Variants in BNIPL observed in about 807,000 individuals in gnomAD.
The protein encoded by BNIPL is bcl-2/adenovirus E1B 19 kDa-interacting protein 2-like protein.
BNIPL carries 33 observed loss-of-function variants against 47.0 expected under a neutral mutation model. The ratio of observed to expected loss-of-function variants is 0.70; its 90% CI spans 0.53 to 0.94. The LOEUF (loss-of-function observed/expected upper bound fraction) is 0.94. Among genes scored for constraint, BNIPL ranks in the 40% least tolerant of loss-of-function variants. The pLI, the probability that BNIPL is intolerant of heterozygous loss-of-function variation, is 0.00. For synonymous variants in BNIPL, 145 were observed against 162.7 expected (o/e 0.89, Z 0.83); for missense variants, 404 against 445.2 (o/e 0.91, Z 0.83).
chr1:151,042,594 C>T (rs184962502), intron 4 of BNIPL, among the ~76,000 whole-genome samples: 405 of 152,120 alleles, frequency 2.7e-3, no homozygotes, highest in Non-Finnish European at 4.2e-3. Flanking sequence ...GGACTGATTG[C>T]TTTGAACTCA....
chr1:151,044,363 G>A (rs1248573213), intron 7 of BNIPL, among the ~76,000 whole-genome samples: 2 of 152,204 alleles, frequency 1.3e-5, no homozygotes, highest in Non-Finnish European at 2.9e-5. Flanking sequence ...GTAAATTAGT[G>A]TGGCATATTG....
In BNIPL at chr1:151,037,698, G is replaced by A. The variant is rs775895317; in HGVS notation, c.137+36G>A. The A allele has an allele frequency of 2.6e-6, 4 of 1,534,742 alleles. No individual in the cohort carries two copies. In the South Asian group the frequency reaches 4.7e-5, roughly 18 times the overall value. ...GTGAGGGTGGCTGGGAGAAGGGAGG[G>A]GTGGTCACGAATGGACGGAGGGGAT... On this transcript the variant is annotated intron_variant, in intron 2 of 9. Transcript: ENST00000368931.
In BNIPL at chr1:151,038,891, C is replaced by A; in HGVS notation, c.298C>A (p.Pro100Thr). Reference sequence around the variant, plus strand: ...GTTGCGGCTGAGTCTGACTAAGGGGCCTGGAAATGATGGAGCTTCACCCAC... The same window carrying A: ...GTTGCGGCTGAGTCTGACTAAGGGGACTGGAAATGATGGAGCTTCACCCAC... ...PELRLSLTKG[P>T]GNDGASPTQS... is the part of the protein sequence containing the mutation. Residue 100 changes from proline (P) to threonine (T), a missense_variant, in exon 4 of 10, where the codon CCT becomes ACT. Pro to Thr is a conservative substitution (Grantham distance 38). Transcript: ENST00000368931. 6.2e-7 allele frequency: 1 copy of A among 1,614,064 alleles called. No individual in the cohort carries two copies. The highest frequency in any genetic ancestry group is 8.5e-7 in the Non-Finnish European group (1 of 1,179,980).
At chr1:151,044,955 A>T in intron 7 of BNIPL, 19 of 1,287,142 alleles carry the variant, frequency 1.5e-5, no homozygotes, top group Non-Finnish European at 1.9e-5. Context: ...AGAGCACAAG[A>T]TGGAAATGGA....
At chr1:151,044,103 G>A (rs1675925969) in intron 7 of BNIPL, among the ~76,000 whole-genome samples, 1 of 152,170 alleles carries the variant, frequency 6.6e-6, no homozygotes. Flanking sequence ...TCCCACCTCA[G>A]CCTCCCAAGT....
chr1:151,042,952 T>C lies in BNIPL; in HGVS notation c.434-4T>C, dbSNP rs891686963. ...GTTGATCCTTCCCCATCCCTCTCTT[T>C]TAGATGAACTACCCCGGGCAGAGGG... is the stretch of plus-strand genomic sequence containing the variant. On this transcript the variant is annotated splice_region_variant and splice_polypyrimidine_tract_variant and intron_variant, in intron 4 of 9. Coordinates refer to ENST00000368931, the MANE Select transcript of BNIPL (RefSeq NM_138278.4). 6.5e-6 allele frequency: 10 copies of C among 1,547,704 alleles called. No individual in the cohort carries two copies. The Admixed American group carries it at 2.1e-4, about 32-fold the overall frequency.
At chr1:151,038,134 G>A (rs1411604412) in intron 2 of BNIPL, among the ~76,000 whole-genome samples, 1 of 152,072 alleles carries the variant, frequency 6.6e-6, no homozygotes, top group East Asian at 1.9e-4. Context: ...CAGCACTTTG[G>A]GAGGCCGAGG....
chr1:151,037,678 G>C lies in BNIPL; in HGVS notation c.137+16G>C. 1.3e-6 allele frequency: 2 copies of C among 1,575,218 alleles called. No homozygotes were observed. The highest frequency in any genetic ancestry group is 1.7e-6 in the Non-Finnish European group (2 of 1,157,828). ...AATTCCCTAGGTGAGGACGTGTGAG[G>C]GTGGCTGGGAGAAGGGAGGGGTGGT... On this transcript the variant is annotated intron_variant, in intron 2 of 9. Coordinates refer to ENST00000368931, the MANE Select transcript of BNIPL (RefSeq NM_138278.4).
chr1:151,036,755 GAC>G lies in BNIPL; in HGVS notation c.32_33del (p.Thr11ArgfsTer31). On this transcript the variant is annotated frameshift_variant, in exon 1 of 10. Transcript: ENST00000368931. LOFTEE classifies it high-confidence loss of function. ...GAACTATACAAGAGGCAGGAAAAAA[GAC>G]AGATGTTGGGTAAGTAAGATCTTGG... Reference protein sequence around the residue: MGTIQEAGKKTDVGVREIAEA... With the variant: MGTIQEAGKKXDVGVREIAEA... 1 of 1,611,168 alleles carries G rather than the reference GAC, an allele frequency of 6.2e-7. No individual in the cohort carries two copies. Among genetic ancestry groups the G allele is most frequent in the Non-Finnish European group, 8.5e-7 (1 of 1,177,368 alleles).
In BNIPL at chr1:151,043,429, G is replaced by T; in HGVS notation, c.714G>T (p.Leu238Phe). The change falls in exon 6 of 10, where the codon TTG (leucine) becomes TTT (phenylalanine). Residue 238 changes from leucine to phenylalanine, a missense_variant. Transcript: ENST00000368931. ...IPNYTYVMEHLFRYMVGTLEL... is the reference protein window; with the variant it reads ...IPNYTYVMEHFFRYMVGTLEL... ...ACTACACCTATGTCATGGAACACTT[G>T]TTTAGGTGAGGTGGAAGGCCTGAAG... 6.3e-7 allele frequency: 1 copy of T among 1,598,846 alleles called. No individual in the cohort carries two copies. The highest frequency in any genetic ancestry group is 8.6e-7 in the Non-Finnish European group (1 of 1,166,286).
rs964581463 is a variant in BNIPL at position 151,036,720 on chromosome 1, G to T, written c.-6G>T. The T allele has an allele frequency of 3.1e-6, 5 of 1,610,438 alleles. No homozygotes were observed. Among genetic ancestry groups the T allele is most frequent in the Middle Eastern group, 1.6e-4 (1 of 6,078 alleles). On this transcript the variant is annotated 5_prime_UTR_variant, in exon 1 of 10. Transcript: ENST00000368931. ...TTTAAAGAAGGAGGCAGGAAGACTT[G>T]TGAAGATGGGAACTATACAAGAGGC...
chr1:151,046,314 AC>A, intron 9 of BNIPL, 149 bp downstream of exon 9: 1 of 1,264,812 alleles, frequency 7.9e-7, no homozygotes, highest in Non-Finnish European at 1.1e-6. Context: ...AACTGCACAC[AC>A]CCAGAGAAGA....
rs1480481801 is a variant in BNIPL at position 151,046,082 on chromosome 1, A to C, written c.954A>C (p.Arg318=). 2 of 1,614,080 alleles carry C rather than the reference A, an allele frequency of 1.2e-6. No homozygotes were observed. The highest frequency in any genetic ancestry group is 1.3e-5 in the African/African-American group (1 of 74,926). ...CTCTTTTCAGTTCCAAATTCACACG[A>C]AAAATCCGTTTTCTGGACAGCCTGG... ...LRPFISSKFT[R]KIRFLDSLGE... The change falls in exon 9 of 10, where the codon CGA becomes CGC. Residue 318 remains arginine, a synonymous_variant. Coordinates refer to ENST00000368931, the MANE Select transcript of BNIPL (RefSeq NM_138278.4).
chr1:151,038,808 C>T lies in BNIPL; in HGVS notation c.215C>T (p.Pro72Leu), dbSNP rs1252922506. 2 of 1,591,182 alleles carry T rather than the reference C, an allele frequency of 1.3e-6. No individual in the cohort carries two copies. Among genetic ancestry groups the T allele is most frequent in the African/African-American group, 1.3e-5 (1 of 74,148 alleles). The change falls in exon 4 of 10, where the codon CCC becomes CTC. Residue 72 changes from proline to leucine, a missense_variant. Coordinates refer to ENST00000368931, the MANE Select transcript of BNIPL (RefSeq NM_138278.4). ...KGDSQAAAGT[P>L]STLALCGQRP... ...CCCCTTTCTCCAGCTGCAGGTACCCCCAGCACTTTAGCCCTGTGTGGCCAG... is the reference window on the plus strand; with the variant it reads ...CCCCTTTCTCCAGCTGCAGGTACCCTCAGCACTTTAGCCCTGTGTGGCCAG...
Position 151,038,997 on chromosome 1 carries a change from T to C in BNIPL, c.404T>C (p.Leu135Pro). ...ELETPSDSEQLDSGHEFEWED... is the reference protein window; with the variant it reads ...ELETPSDSEQPDSGHEFEWED... ...GAGACACCTTCAGACTCGGAGCAGCTGGACAGTGGACATGAATTTGAATGG... is the reference window on the plus strand; with the variant it reads ...GAGACACCTTCAGACTCGGAGCAGCCGGACAGTGGACATGAATTTGAATGG... Residue 135 changes from leucine to proline, a missense_variant, in exon 4 of 10, where the codon CTG becomes CCG. Physicochemically the swap from Leu to Pro is moderately conservative, Grantham distance 98. Transcript: ENST00000368931. 1 of 1,592,198 alleles carries C rather than the reference T, an allele frequency of 6.3e-7. No individual in the cohort carries two copies.
intron 2 of BNIPL, 167 bp from the exon 3 acceptor site, chr1:151,038,337 G>A: frequency 1.6e-6 from 1 of 619,716 alleles, no homozygotes; most frequent in Non-Finnish European, 2.9e-6. Flanking sequence ...TTGTGCCACT[G>A]CATTCCAGCC....
Position 151,036,624 on chromosome 1 carries a change from C to G in BNIPL, c.-102C>G. 9.0e-7 allele frequency: 1 copy of G among 1,110,016 alleles called. No homozygotes were observed. The highest frequency in any genetic ancestry group is 1.4e-6 in the Non-Finnish European group (1 of 727,822). 68.8% of individuals were successfully genotyped at this position (1,110,016 alleles called of 1,614,324 possible). A position where few individuals can be genotyped will look rare whatever the true frequency, so the allele number is the denominator to read the frequency against. On this transcript the variant is annotated 5_prime_UTR_variant, in exon 1 of 10. Coordinates refer to ENST00000368931, the MANE Select transcript of BNIPL (RefSeq NM_138278.4). Reference sequence around the variant, plus strand: ...CCCTCCTTGGAGGCAAGAGCTACAACAGCTGAGACAGAAAAGAGGTAAGGA... The same window carrying G: ...CCCTCCTTGGAGGCAAGAGCTACAAGAGCTGAGACAGAAAAGAGGTAAGGA...
At chr1:151,038,481 C>A in intron 2 of BNIPL, 23 bp from the exon 3 acceptor site, 1 of 1,588,564 alleles carries the variant, frequency 6.3e-7, no homozygotes, top group Non-Finnish European at 8.6e-7. Flanking sequence ...ATGTCTGCCG[C>A]CTTTTAATCT....
rs1676070979 is a variant in BNIPL, at chr1:151,047,437, A to G, written c.*750A>G. 5.9e-6 allele frequency: 1 copy of G among 169,554 alleles called. No homozygotes were observed. Among genetic ancestry groups the G allele is most frequent in the African/African-American group, 2.4e-5 (1 of 41,870 alleles). 10.5% of individuals were successfully genotyped at this position (169,554 alleles called of 1,614,324 possible). On this transcript the variant is annotated 3_prime_UTR_variant, in exon 10 of 10. Coordinates refer to ENST00000368931, the MANE Select transcript of BNIPL (RefSeq NM_138278.4). ...GGGAGCCAGGAGAGTCAGCTCATTA[A>G]ATCTTGAAGAACCGCTGTATGCCCT...
Sources: gnomAD v4.1 joint callset for allele counts (sites outside exome capture counted in the v4.1 genomes callset) on GRCh38, gnomAD v4.1.1 for gene constraint, MANE v1.5 for transcripts, NCBI Gene and HGNC (gene_info 2026-07-23, HGNC 2026-07-21) for gene names.